Variants in TP53BP1 observed in about 807,000 individuals in gnomAD.
The protein encoded by TP53BP1 is tumor protein p53 binding protein 1, also known as TP53-binding protein 1.
TP53BP1 carries 61 observed loss-of-function variants against 200.8 expected under a neutral mutation model. The observed-to-expected ratio is 0.30, with a 90% CI of 0.25 to 0.38. The LOEUF (loss-of-function observed/expected upper bound fraction) is 0.38, where lower values mean the gene tolerates loss of function less well. Ranked by LOEUF, TP53BP1 falls within the 10% of genes least tolerant of loss-of-function variation. TP53BP1 has a pLI of 1.00. For missense variants in TP53BP1, 2,144 were observed against 2,371.9 expected (o/e 0.90, Z 2.00); for synonymous variants, 822 against 844.3 (o/e 0.97, Z 0.46).
intron 1 of TP53BP1, among the ~76,000 whole-genome samples, chr15:43,508,470 C>A (rs1173314189): frequency 1.3e-5 from 2 of 152,168 alleles, no homozygotes; most frequent in Non-Finnish European, 2.9e-5. Flanking sequence ...CCAACCTGTG[C>A]AACACACAAA....
At position 43,421,983 on chromosome 15, in the gene TP53BP1, T is replaced by A; in HGVS notation, c.3972A>T (p.Thr1324=). Residue 1324 remains threonine, a synonymous_variant, in exon 19 of 28, where the codon ACA becomes ACT. Coordinates refer to ENST00000382044, the MANE Select transcript of TP53BP1 (RefSeq NM_001141980.3). ...ASSLHRTSSG[T]SLSAMHSSGS... ...CACTGCTGTGCATAGCTGAGAGACT[T>A]GTCCCACTTGATGTGCGGTGTAAGC... 1 of 1,614,222 alleles carries A rather than the reference T, an allele frequency of 6.2e-7. No individual in the cohort carries two copies. Among genetic ancestry groups the A allele is most frequent in the Non-Finnish European group, 8.5e-7 (1 of 1,180,046 alleles).
At chr15:43,493,291 C>T, upstream of TP53BP1, 1 of 1,300,038 alleles carries the variant, frequency 7.7e-7, no homozygotes, top group East Asian at 2.6e-5. Context: ...CACGGCGGCG[C>T]GTTTCCATGG....
rs745690471 is a variant in TP53BP1, at chr15:43,446,895, T to C, written c.2837-305A>G. On this transcript the variant is annotated intron_variant, in intron 13 of 27. Transcript: ENST00000382044. ...TAGCAGGAGACTCCAGACGGCATGA[T>C]TGTTACCTCCCAGCACTGACTAGAG... The C allele has an allele frequency of 8.8e-5, 78 of 886,846 alleles. 1 individual carries two copies. Among genetic ancestry groups the C allele is most frequent in the South Asian group, 6.7e-4 (48 of 71,692 alleles). The allele number at this position is 886,846 out of a possible 1,614,324, so 54.9% of individuals were successfully genotyped here.
At chr15:43,459,668 T>A (rs1461271299) in intron 11 of TP53BP1, among the ~76,000 whole-genome samples, 1 of 151,626 alleles carries the variant, frequency 6.6e-6, no homozygotes, top group Admixed American at 6.6e-5. Context: ...TTCTTTTTTT[T>A]CTTTTTTTTT....
rs143959770 is a variant in TP53BP1, at chr15:43,414,212, A to G, written c.5090-878T>C. 1.6e-3 allele frequency: 686 copies of G among 427,088 alleles called. 4 individuals carry two copies. The highest frequency in any genetic ancestry group is 0.013 in the African/African-American group (641 of 48,396). 26.5% of individuals were successfully genotyped at this position (427,088 alleles called of 1,614,324 possible). On this transcript the variant is annotated intron_variant, in intron 23 of 27. Coordinates refer to ENST00000382044, the MANE Select transcript of TP53BP1 (RefSeq NM_001141980.3). ...AGAAGTGAAGACCACCAAAGTTTGA[A>G]TCCTGGCTTACTTTGTCATCTTGGG...
rs554722178 is a variant in TP53BP1 at position 43,489,266 on chromosome 15, C to T, written c.371+2403G>A. 1.6e-4 allele frequency among the ~76,000 whole-genome samples: 25 copies of T among 152,332 alleles called. No homozygotes were observed. In the South Asian group the frequency reaches 5.2e-3, roughly 32 times the overall value. The stretch of plus-strand genomic sequence containing the variant: ...CACAATGGCAAAAGCCCCTTTAAAG[C>T]ACATGCCACAGTGCCTGCACATTTA... On this transcript the variant is annotated intron_variant, in intron 4 of 27. Coordinates refer to ENST00000382044, the MANE Select transcript of TP53BP1 (RefSeq NM_001141980.3).
intron 12 of TP53BP1, among the ~76,000 whole-genome samples, chr15:43,448,857 T>C (rs1015398913): frequency 1.3e-5 from 2 of 152,228 alleles, no homozygotes; most frequent in African/African-American, 4.8e-5. Flanking sequence ...CCAGGTACCA[T>C]GGCTCATGCC....
intron 24 of TP53BP1, among the ~76,000 whole-genome samples, chr15:43,412,360 C>T (rs690276): frequency 0.46 from 69,709 of 152,102 alleles, 20,740 homozygotes; most frequent in African/African-American, 0.85. Flanking sequence ...CTAACTTGTA[C>T]AACATCATTC....
At chr15:43,487,550 T>C (rs1320512558) in intron 4 of TP53BP1, among the ~76,000 whole-genome samples, 1 of 152,088 alleles carries the variant, frequency 6.6e-6, no homozygotes, top group Non-Finnish European at 1.5e-5. Context: ...CTCAGCACTT[T>C]GGGAGGCTGA....
In TP53BP1 at chr15:43,421,112, A is replaced by T; in HGVS notation, c.4163T>A (p.Leu1388His). 1.2e-6 allele frequency: 2 copies of T among 1,614,202 alleles called. No individual in the cohort carries two copies. Among genetic ancestry groups the T allele is most frequent in the Non-Finnish European group, 1.7e-6 (2 of 1,180,008 alleles). Residue 1388 changes from leucine to histidine, a missense_variant, in exon 20 of 28, where the codon CTT becomes CAT. By Grantham distance (99) the Leu-to-His change is moderately conservative. Coordinates refer to ENST00000382044, the MANE Select transcript of TP53BP1 (RefSeq NM_001141980.3). ...PVCEEDGDAG[L>H]GIRQGGKAPV... The stretch of plus-strand genomic sequence containing the variant: ...AGCCTTCCCTCCCTGTCTGATGCCA[A>T]GGCCTGCATCACCATCCTCCTCACA...
chr15:43,492,460 T>C lies in TP53BP1; in HGVS notation c.16A>G (p.Met6Val). The C allele has an allele frequency of 6.2e-7, 1 of 1,613,426 alleles. No homozygotes were observed. The highest frequency in any genetic ancestry group is 8.5e-7 in the Non-Finnish European group (1 of 1,179,570). The change falls in exon 2 of 28, where the codon ATG (methionine) becomes GTG (valine). Residue 6 changes from methionine (M) to valine (V), a missense_variant. Transcript: ENST00000382044. MPGEQ[M>V]DPTGSQLDSD... ...TCCAACTGACTTCCAGTAGGGTCCA[T>C]CTGCTCCCCTGGAATGGAATAACAA...
chr15:43,484,589 C>T (rs117199611), intron 4 of TP53BP1, among the ~76,000 whole-genome samples: 198 of 151,942 alleles, frequency 1.3e-3, no homozygotes, highest in Non-Finnish European at 2.1e-3. Flanking sequence ...CTTCTCTGAC[C>T]TCTTCTCTCA....
intron 17 of TP53BP1, among the ~76,000 whole-genome samples, chr15:43,429,529 A>G (rs1327441426): frequency 7.2e-6 from 1 of 139,396 alleles, no homozygotes; most frequent in Non-Finnish European, 1.5e-5. Flanking sequence ...TACAAATGCA[A>G]TAATGGTAAT....
chr15:43,435,782 T>C (rs373859341), intron 16 of TP53BP1, among the ~76,000 whole-genome samples: 18 of 152,104 alleles, frequency 1.2e-4, no homozygotes, highest in Middle Eastern at 6.8e-3. Flanking sequence ...TGCAACCTCC[T>C]CCTCCAGGGT....
Position 43,421,879 on chromosome 15 carries a change from G to A in TP53BP1, c.4076C>T (p.Ser1359Phe), listed in dbSNP as rs762682757. Residue 1359 changes from serine (S) to phenylalanine (F), a missense_variant, in exon 19 of 28, where the codon TCC becomes TTC. By Grantham distance (155) the Ser-to-Phe change is radical (BLOSUM62 -2). Transcript: ENST00000382044. Reference protein sequence around the residue: ...TEPADFALPSSRGGPGKLSPR... With the variant: ...TEPADFALPSFRGGPGKLSPR... ...CCTCAGTTTTCCTGGGCCTCCTCGG[G>A]AGCTGGGTAAGGCAAAATCTGCGGG... 2.5e-6 allele frequency: 4 copies of A among 1,614,188 alleles called. No individual in the cohort carries two copies. In the South Asian group the frequency reaches 4.4e-5, roughly 18 times the overall value.
intron 24 of TP53BP1, among the ~76,000 whole-genome samples, chr15:43,410,805 G>A (rs1412031394): frequency 3.9e-5 from 6 of 152,068 alleles, no homozygotes; most frequent in East Asian, 1.9e-4. Flanking sequence ...AGGCACCGCC[G>A]AGGCCCCAGG....
rs769610930 is a variant in TP53BP1 at position 43,420,431 on chromosome 15, T to G, written c.4555A>C (p.Lys1519Gln). ...CCATCATCAAAGAGCAATTTATACTTCCCAGCTCCGACATCTCGTGTGATT... is the reference window on the plus strand; with the variant it reads ...CCATCATCAAAGAGCAATTTATACTGCCCAGCTCCGACATCTCGTGTGATT... ...GKITRDVGAG[K>Q]YKLLFDDGYE... The change falls in exon 21 of 28, where the codon AAG (lysine) becomes CAG (glutamine). Residue 1519 changes from lysine (K) to glutamine (Q), a missense_variant. Lys to Gln is a moderately conservative substitution (Grantham distance 53). This residue lies in a region of TP53BP1 where 61 missense variants were observed against 147.5 expected (regional missense o/e 0.41). Transcript: ENST00000382044. 1.9e-6 allele frequency: 3 copies of G among 1,613,990 alleles called. No individual in the cohort carries two copies. In the African/African-American group the frequency reaches 4.0e-5, roughly 22 times the overall value.
intron 4 of TP53BP1, among the ~76,000 whole-genome samples, chr15:43,489,971 G>T (rs1469527972): frequency 6.6e-6 from 1 of 151,946 alleles, no homozygotes; most frequent in Non-Finnish European, 1.5e-5. Flanking sequence ...GGAGTGCAGC[G>T]GCACAATCAC....
chr15:43,487,999 T>C (rs1288357239), intron 4 of TP53BP1, among the ~76,000 whole-genome samples: 1 of 151,986 alleles, frequency 6.6e-6, no homozygotes, highest in East Asian at 1.9e-4. Flanking sequence ...GTTATGCTGA[T>C]TGAAAAAGCC....
Sources: allele counts gnomAD v4.1 joint callset (sites outside exome capture counted in the v4.1 genomes callset), GRCh38; gene constraint gnomAD v4.1.1; regional missense constraint gnomAD v4.1.1; transcripts MANE v1.5; gene names NCBI Gene and HGNC (gene_info 2026-07-23, HGNC 2026-07-21).